C4orf51: variants seen among roughly 807,000 people sequenced by gnomAD.
The protein encoded by C4orf51 is uncharacterized protein C4orf51.
In C4orf51, 25 loss-of-function variants were observed where a neutral mutation model predicts 25.2. The observed-to-expected ratio is 0.99, with a 90% confidence interval of 0.72 to 1.39. The LOEUF (loss-of-function observed/expected upper bound fraction) is 1.39, where lower values mean the gene tolerates loss of function less well. Ranked by LOEUF, C4orf51 falls within the 40% of genes most tolerant of loss-of-function variation. The probability of loss-of-function intolerance (pLI) is 0.00; values close to 1 mark genes in which losing one functional copy is unlikely to be tolerated. For missense variants in C4orf51, 252 were observed against 239.6 expected, an observed-to-expected ratio of 1.05 and a Z score of -0.34; for synonymous variants, 100 against 84.5, an observed-to-expected ratio of 1.18 and a Z score of -1.01.
chr4:145,684,972 C>A (rs1016920727), intron 1 of C4orf51, among the ~76,000 whole-genome samples: 9 of 151,676 alleles, frequency 5.9e-5, no homozygotes, highest in Non-Finnish European at 1.2e-4. Context: ...ACTGAAAGAG[C>A]CAAAAGGAGA....
At chr4:145,731,257 A>C (rs1392458579) in intron 5 of C4orf51, among the ~76,000 whole-genome samples, 2 of 152,158 alleles carry the variant, frequency 1.3e-5, no homozygotes, top group Non-Finnish European at 2.9e-5. Context: ...AAGCAATTCC[A>C]TTGCCAGTCA....
At chr4:145,690,409 G>A (rs1268070421) in intron 1 of C4orf51, among the ~76,000 whole-genome samples, 2 of 152,034 alleles carry the variant, frequency 1.3e-5, no homozygotes, top group Admixed American at 6.6e-5. Context: ...GGAGGCTGAG[G>A]CAGGAGAATG....
At chr4:145,708,540 T>C (rs1198041673) in intron 2 of C4orf51, among the ~76,000 whole-genome samples, 1 of 152,224 alleles carries the variant, frequency 6.6e-6, no homozygotes, top group Non-Finnish European at 1.5e-5. Flanking sequence ...GGTTCCAGAA[T>C]GAACTGGTCT....
intron 1 of C4orf51, among the ~76,000 whole-genome samples, chr4:145,745,160 A>G (rs1733301503): frequency 6.6e-6 from 1 of 152,190 alleles, no homozygotes; most frequent in Non-Finnish European, 1.5e-5. Context: ...ATGCATAACA[A>G]TCACGTCAGG....
Position 145,751,550 on chromosome 4 carries a change from C to T in C4orf51, n.168-2657C>T, listed in dbSNP as rs182262204. ...GGATAGAGTGACATAAGCAACCCAT[C>T]GCACTACCACTGGGACTACACTGGG... On this transcript the variant is annotated intron_variant and non_coding_transcript_variant, in intron 1 of 1. Transcript: ENST00000508981. Among the ~76,000 whole-genome samples the T allele has an allele frequency of 3.3e-5, 5 of 152,316 alleles. 1 individual carries two copies. The South Asian group carries it at 6.2e-4, about 19-fold the overall frequency.
intron 1 of C4orf51, among the ~76,000 whole-genome samples, chr4:145,744,555 C>A (rs1733262700): frequency 6.6e-6 from 1 of 151,452 alleles, no homozygotes; most frequent in Non-Finnish European, 1.5e-5. Flanking sequence ...GGCGCGGTGG[C>A]TCACACCTCT....
At chr4:145,785,938 A>G in the C4orf51 span, among the ~76,000 whole-genome samples, 6 of 152,252 alleles carry the variant, frequency 3.9e-5, no homozygotes, top group African/African-American at 9.6e-5. Flanking sequence ...TAAGCCTAGA[A>G]TATTTCCAGG....
At chr4:145,789,836 A>G in the C4orf51 span, among the ~76,000 whole-genome samples, 1 of 152,226 alleles carries the variant, frequency 6.6e-6, no homozygotes, top group African/African-American at 2.4e-5. Flanking sequence ...AAATCTAAAG[A>G]GAGCTTTATT....
At chr4:145,776,015 A>G, downstream of C4orf51, 1 of 1,599,268 alleles carries the variant, frequency 6.3e-7, no homozygotes, top group Non-Finnish European at 8.6e-7. Flanking sequence ...AGGAAGTCCC[A>G]ACACCTTGCA....
At chr4:145,744,723 G>A (rs534850037) in intron 1 of C4orf51, among the ~76,000 whole-genome samples, 7 of 152,088 alleles carry the variant, frequency 4.6e-5, no homozygotes, top group Non-Finnish European at 1.0e-4. Context: ...TGTAGTGGCA[G>A]GCGCCTGTAT....
intron 1 of C4orf51, chr4:145,764,726 G>A: frequency 2.0e-6 from 1 of 504,258 alleles, no homozygotes; most frequent in Non-Finnish European, 3.6e-6. Flanking sequence ...TGCATGCTGG[G>A]TTGTTTCAAC....
intron 2 of C4orf51, among the ~76,000 whole-genome samples, chr4:145,706,808 A>ATT (rs34336553): frequency 0.019 from 2,234 of 118,634 alleles, 41 homozygotes; most frequent in Non-Finnish European, 0.027. Context: ...TGCCCGGCTA[A>ATT]TTTTTTTTTT....
the C4orf51 span, among the ~76,000 whole-genome samples, chr4:145,778,107 C>T: frequency 6.6e-6 from 1 of 152,004 alleles, no homozygotes; most frequent in Non-Finnish European, 1.5e-5. Flanking sequence ...GTTTGGGCAG[C>T]ATGGAGAAAC....
chr4:145,773,730 G>C (rs930713033), downstream of C4orf51, among the ~76,000 whole-genome samples: 2 of 152,212 alleles, frequency 1.3e-5, no homozygotes, highest in African/African-American at 4.8e-5. Context: ...GTGAAGCCTT[G>C]GCCATGGCCT....
downstream of C4orf51, among the ~76,000 whole-genome samples, chr4:145,754,542 C>G (rs924495581): frequency 3.9e-5 from 6 of 152,198 alleles, no homozygotes; most frequent in Non-Finnish European, 5.9e-5. Flanking sequence ...AAACCCCTAA[C>G]TCATCAAACC....
chr4:145,729,060 G>C (rs1732271689), intron 3 of C4orf51, 109 bp from the exon 4 acceptor site: 1 of 773,668 alleles, frequency 1.3e-6, no homozygotes, highest in Non-Finnish European at 2.2e-6. Context: ...CAGTATCAGT[G>C]CTTTCTGAAT....
intron 2 of C4orf51, among the ~76,000 whole-genome samples, chr4:145,706,783 A>T (rs1730834395): frequency 6.7e-6 from 1 of 148,860 alleles, no homozygotes; most frequent in African/African-American, 2.5e-5. Context: ...TGGGACTACA[A>T]GGTTCCCACC....
intron 1 of C4orf51, among the ~76,000 whole-genome samples, chr4:145,691,978 G>T (rs1175420048): frequency 1.2e-5 from 1 of 86,062 alleles, no homozygotes; most frequent in African/African-American, 6.5e-5. Flanking sequence ...ATATACAGCT[G>T]ATAGGAATGT....
chr4:145,740,749 A>C (rs912969795), intron 1 of C4orf51, among the ~76,000 whole-genome samples: 1 of 152,202 alleles, frequency 6.6e-6, no homozygotes, highest in African/African-American at 2.4e-5. Context: ...TCTGCCTCTC[A>C]AAGTGTGGTC....
Sources: allele counts gnomAD v4.1 joint callset (sites outside exome capture counted in the v4.1 genomes callset), GRCh38; gene constraint gnomAD v4.1.1; transcripts MANE v1.5; gene names NCBI Gene and HGNC (gene_info 2026-07-23, HGNC 2026-07-21).